ANKRD11: variants seen among roughly 807,000 people sequenced by gnomAD.
ANKRD11 encodes ankyrin repeat domain 11.
In ANKRD11, 17 loss-of-function variants were observed where a neutral mutation model predicts 195.7. The ratio of observed to expected loss-of-function variants is 0.09; its 90% confidence interval spans 0.06 to 0.13. ANKRD11 has a LOEUF of 0.13. ANKRD11 is among the 10% of genes least tolerant of loss of function. The probability of loss-of-function intolerance (pLI) is 1.00; values close to 1 mark genes in which losing one functional copy is unlikely to be tolerated. For synonymous variants in ANKRD11, 1,953 were observed against 1,528.1 expected (o/e 1.28, Z -6.49); for missense variants, 3,735 against 3,566.1 (o/e 1.05, Z -1.21).
chr16:89,451,300 A>C (rs941167335), intron 1 of ANKRD11, among the ~76,000 whole-genome samples: 1 of 152,124 alleles, frequency 6.6e-6, no homozygotes, highest in Admixed American at 6.5e-5. Flanking sequence ...CAGATAGTAG[A>C]TTAGTGGCTG....
At chr16:89,350,947 T>G (rs1250821141) in intron 2 of ANKRD11, among the ~76,000 whole-genome samples, 4 of 152,214 alleles carry the variant, frequency 2.6e-5, no homozygotes, top group African/African-American at 9.7e-5. Flanking sequence ...GGCTCTACCA[T>G]GTAGCTTAGG....
chr16:89,319,620 C>T (rs1827177188), intron 2 of ANKRD11, among the ~76,000 whole-genome samples: 1 of 152,222 alleles, frequency 6.6e-6, no homozygotes, highest in African/African-American at 2.4e-5. Context: ...CAACCCCAGC[C>T]CCCGCCTCTC....
At chr16:89,358,024 A>G (rs1417808198) in intron 2 of ANKRD11, among the ~76,000 whole-genome samples, 1 of 152,226 alleles carries the variant, frequency 6.6e-6, no homozygotes, top group African/African-American at 2.4e-5. Context: ...CTTCCTTTCC[A>G]AAGACTGAAC....
intron 2 of ANKRD11, chr16:89,396,113 C>T (rs1413355681): frequency 6.6e-6 from 1 of 152,232 alleles, no homozygotes; most frequent in Non-Finnish European, 1.5e-5. Context: ...ACCTCAACAA[C>T]TTGTTGTCAA....
At chr16:89,310,447 T>C (rs1009684211) in intron 3 of ANKRD11, among the ~76,000 whole-genome samples, 10 of 152,238 alleles carry the variant, frequency 6.6e-5, no homozygotes, top group African/African-American at 1.7e-4. Context: ...CCTATTAACT[T>C]TGGAATCGTC....
intron 1 of ANKRD11, among the ~76,000 whole-genome samples, chr16:89,484,406 A>T (rs963091667): frequency 2.0e-5 from 3 of 152,164 alleles, no homozygotes; most frequent in Non-Finnish European, 4.4e-5. Flanking sequence ...CCAGAATTAA[A>T]CCAAAGTCTT....
chr16:89,351,861 T>A (rs934061257), intron 2 of ANKRD11, among the ~76,000 whole-genome samples: 13 of 152,222 alleles, frequency 8.5e-5, no homozygotes, highest in African/African-American at 3.1e-4. Context: ...ACCTTTGAAC[T>A]GTGCGCTTTA....
intron 2 of ANKRD11, among the ~76,000 whole-genome samples, chr16:89,355,734 C>T (rs2039440670): frequency 6.6e-6 from 1 of 152,196 alleles, no homozygotes; most frequent in Non-Finnish European, 1.5e-5. Flanking sequence ...GAGCATCCAC[C>T]CGTCGAGGGC....
chr16:89,326,849 C>T (rs887141677), intron 2 of ANKRD11, among the ~76,000 whole-genome samples: 1 of 152,218 alleles, frequency 6.6e-6, no homozygotes, highest in African/African-American at 2.4e-5. Context: ...TAACACAAAG[C>T]CTGCCCGCCA....
chr16:89,393,447 C>T (rs2041288149), intron 2 of ANKRD11, among the ~76,000 whole-genome samples: 1 of 151,664 alleles, frequency 6.6e-6, no homozygotes, highest in South Asian at 2.1e-4. Context: ...CCTCAGTCCC[C>T]CATGTAGCTG....
rs1423017592 is a variant in ANKRD11, at chr16:89,284,170, T to C, written c.2372A>G (p.Lys791Arg). ...TTTATCTTCTTTAAAAATCTTCTCCTTCTCTTTTGAAATTTTGTCCTCTTT... is the reference window on the plus strand; with the variant it reads ...TTTATCTTCTTTAAAAATCTTCTCCCTCTCTTTTGAAATTTTGTCCTCTTT... ...DLKEDKISKE[K>R]EKIFKEDKEK... The change falls in exon 9 of 13, where the codon AAG becomes AGG. Residue 791 changes from lysine to arginine, a missense_variant. Transcript: ENST00000301030. 28 of 1,605,356 alleles carry C rather than the reference T, an allele frequency of 1.7e-5. 1 individual carries two copies. Among genetic ancestry groups the C allele is most frequent in the Non-Finnish European group, 2.3e-5 (27 of 1,177,958 alleles).
chr16:89,407,273 A>C (rs528380600), intron 2 of ANKRD11, among the ~76,000 whole-genome samples: 1 of 152,286 alleles, frequency 6.6e-6, no homozygotes, highest in South Asian at 2.1e-4. Flanking sequence ...TGACAGAAAA[A>C]GACTCATATT....
chr16:89,273,395 A>G (rs1032092085), intron 11 of ANKRD11, among the ~76,000 whole-genome samples: 1 of 152,124 alleles, frequency 6.6e-6, no homozygotes, highest in African/African-American at 2.4e-5. Flanking sequence ...GGTCCAACTC[A>G]TGTTTTCTTT....
At chr16:89,459,688 G>A (rs2056584376) in intron 1 of ANKRD11, among the ~76,000 whole-genome samples, 1 of 152,128 alleles carries the variant, frequency 6.6e-6, no homozygotes, top group African/African-American at 2.4e-5. Flanking sequence ...TTCAGGAACA[G>A]TGGCCCATGC....
intron 11 of ANKRD11, chr16:89,271,235 A>G: frequency 3.0e-6 from 1 of 329,772 alleles, no homozygotes. Context: ...CTCCTGGGAG[A>G]GACTTTTTTT....
At chr16:89,329,034 G>C (rs1168610688) in intron 2 of ANKRD11, 2 of 151,886 alleles carry the variant, frequency 1.3e-5, no homozygotes, top group Non-Finnish European at 2.9e-5. Flanking sequence ...CCTGGTGAGT[G>C]AGTGGACGCA....
At chr16:89,442,911 C>G (rs1273578681) in intron 1 of ANKRD11, among the ~76,000 whole-genome samples, 7 of 152,254 alleles carry the variant, frequency 4.6e-5, no homozygotes, top group African/African-American at 1.7e-4. Flanking sequence ...ACCACAGCAC[C>G]CAGCCTCTGC....
At chr16:89,328,237 G>A (rs1014882712) in intron 2 of ANKRD11, among the ~76,000 whole-genome samples, 1 of 152,166 alleles carries the variant, frequency 6.6e-6, no homozygotes, top group African/African-American at 2.4e-5. Flanking sequence ...GAACTCTCTC[G>A]CTTGCTGTGG....
At chr16:89,485,739 C>T (rs895109114) in intron 1 of ANKRD11, among the ~76,000 whole-genome samples, 1 of 152,136 alleles carries the variant, frequency 6.6e-6, no homozygotes, top group African/African-American at 2.4e-5. Context: ...ATCAATAGGG[C>T]ACACCTCCAT....
Sources: gnomAD v4.1 joint callset for allele counts (sites outside exome capture counted in the v4.1 genomes callset) on GRCh38, gnomAD v4.1.1 for gene constraint, MANE v1.5 for transcripts, NCBI Gene and HGNC (gene_info 2026-07-23, HGNC 2026-07-21) for gene names.